The following NIPA1 variants were observed in gnomAD, a reference collection of about 807,000 sequenced individuals.
NIPA1 encodes the protein magnesium transporter NIPA1.
In NIPA1, 13 loss-of-function variants were observed where a neutral mutation model predicts 23.9. The ratio of observed to expected loss-of-function variants is 0.54; its 90% CI spans 0.35 to 0.87. The LOEUF (loss-of-function observed/expected upper bound fraction) is 0.87, where lower values mean the gene tolerates loss of function less well. NIPA1 is among the 40% of genes least tolerant of loss of function. NIPA1 has a pLI of 0.01. For missense variants in NIPA1, 362 were observed against 429.7 expected, an observed-to-expected ratio of 0.84 and a Z score of 1.39; for synonymous variants, 234 against 202.9, an observed-to-expected ratio of 1.15 and a Z score of -1.30.
rs1370367415 is a variant in NIPA1 at position 22,786,755 on chromosome 15, C to T, written c.99C>T (p.Gly33=). ...PSPAAVSLGL[G]VAVVSSLVNG... ...CCGCCGCCGTGTCGCTCGGCCTGGG[C>T]GTGGCCGTCGTGTCGAGCCTGGTGA... Residue 33 remains glycine (G), a synonymous_variant, in exon 1 of 5, where the codon GGC becomes GGT. Coordinates refer to ENST00000337435, the MANE Select transcript of NIPA1 (RefSeq NM_144599.5). 3 of 1,309,850 alleles carry T rather than the reference C, an allele frequency of 2.3e-6. No individual in the cohort carries two copies. Among genetic ancestry groups the T allele is most frequent in the Non-Finnish European group, 2.0e-6 (2 of 1,008,870 alleles). 81.1% of individuals were successfully genotyped at this position (1,309,850 alleles called of 1,614,324 possible).
At chr15:22,818,464 T>TA (rs1257215602) in intron 3 of NIPA1, among the ~76,000 whole-genome samples, 1 of 151,466 alleles carries the variant, frequency 6.6e-6, no homozygotes, top group Admixed American at 6.6e-5. Flanking sequence ...CAGAAACTCT[T>TA]ACAGTGCATC....
At chr15:22,819,867 C>T (rs1400561932) in intron 3 of NIPA1, among the ~76,000 whole-genome samples, 1 of 152,120 alleles carries the variant, frequency 6.6e-6, no homozygotes, top group Non-Finnish European at 1.5e-5. Context: ...TTATGTGTAT[C>T]ATTAACTACG....
At chr15:22,809,332 A>G (rs1196763939) in intron 1 of NIPA1, among the ~76,000 whole-genome samples, 1 of 152,146 alleles carries the variant, frequency 6.6e-6, no homozygotes, top group East Asian at 1.9e-4. Context: ...GGTTGTAGTC[A>G]GCTGAGATCG....
intron 3 of NIPA1, among the ~76,000 whole-genome samples, chr15:22,813,219 C>T (rs1221402168): frequency 6.6e-6 from 1 of 152,086 alleles, no homozygotes; most frequent in Non-Finnish European, 1.5e-5. Flanking sequence ...TGCCAAGGGA[C>T]TGAGGACTCT....
intron 4 of NIPA1, among the ~76,000 whole-genome samples, chr15:22,820,810 C>T (rs940700347): frequency 2.0e-5 from 3 of 152,098 alleles, no homozygotes; most frequent in Non-Finnish European, 4.4e-5. Flanking sequence ...GACTGCCACC[C>T]GCCCCTCCCC....
chr15:22,814,434 A>C (rs1345353101), intron 3 of NIPA1, among the ~76,000 whole-genome samples: 1 of 151,864 alleles, frequency 6.6e-6, no homozygotes, highest in Non-Finnish European at 1.5e-5. Flanking sequence ...TGATCTCCTG[A>C]CCTCGTGATC....
chr15:22,794,428 G>T (rs1391504379), intron 1 of NIPA1, among the ~76,000 whole-genome samples: 1 of 152,106 alleles, frequency 6.6e-6, no homozygotes, highest in Non-Finnish European at 1.5e-5. Context: ...GGATGGTGGT[G>T]ATGGCTGCAC....
chr15:22,793,847 C>T (rs1894886032), intron 1 of NIPA1, among the ~76,000 whole-genome samples: 2 of 152,124 alleles, frequency 1.3e-5, no homozygotes, highest in Admixed American at 6.6e-5. Context: ...AGTGTATGTT[C>T]TTGCTGGCTT....
intron 3 of NIPA1, among the ~76,000 whole-genome samples, chr15:22,812,582 G>A (rs1362675377): frequency 6.6e-6 from 1 of 151,832 alleles, no homozygotes; most frequent in Non-Finnish European, 1.5e-5. Flanking sequence ...GAACCTGGGG[G>A]GCAGAGGTTG....
intron 1 of NIPA1, among the ~76,000 whole-genome samples, chr15:22,796,415 C>A (rs549431062): frequency 3.1e-4 from 47 of 152,026 alleles, no homozygotes; most frequent in African/African-American, 9.4e-4. Flanking sequence ...ATTTTGCCCT[C>A]AAAAATATTT....
chr15:22,824,498 C>A lies in NIPA1; in HGVS notation c.*259C>A. On this transcript the variant is annotated 3_prime_UTR_variant, in exon 5 of 5. Coordinates refer to ENST00000337435, the MANE Select transcript of NIPA1 (RefSeq NM_144599.5). The surrounding 1 kb of genome is among the most constrained non-coding windows in gnomAD (Gnocchi z 4.1). Reference sequence around the variant, plus strand: ...CGAATCTCATTTTCATTTCCATTAACCTGGAAGCTTTCATGAATATTCTCT... The same window carrying A: ...CGAATCTCATTTTCATTTCCATTAAACTGGAAGCTTTCATGAATATTCTCT... The A allele has an allele frequency of 2.1e-6, 1 of 483,200 alleles. No homozygotes were observed. Among genetic ancestry groups the A allele is most frequent in the Non-Finnish European group, 3.7e-6 (1 of 268,218 alleles). The allele number at this position is 483,200 out of a possible 1,614,324, so 29.9% of individuals were successfully genotyped here.
chr15:22,796,275 A>G (rs112534974), intron 1 of NIPA1, among the ~76,000 whole-genome samples: 2 of 151,882 alleles, frequency 1.3e-5, no homozygotes, highest in Non-Finnish European at 2.9e-5. Context: ...AAAAGGCTGT[A>G]CTCTGATGCT....
In NIPA1 at chr15:22,798,734, T is replaced by G. The variant is rs1393402064; in HGVS notation, c.178+11900T>G. 1.3e-4 allele frequency among the ~76,000 whole-genome samples: 18 copies of G among 141,870 alleles called. No homozygotes were observed. In the Admixed American group the frequency reaches 1.3e-3, roughly 11 times the overall value. 93.1% of individuals were successfully genotyped at this position (141,870 alleles called of 152,430 possible). ...GCCTGTAGTCCCAGCTACTCGGGAG[T>G]CTGAGGCAGGAGAATGGCGTGAACC... On this transcript the variant is annotated intron_variant, in intron 1 of 4. Transcript: ENST00000337435.
At chr15:22,810,708 T>A in intron 1 of NIPA1, 41 bp from the exon 2 acceptor site, 3 of 1,314,212 alleles carry the variant, frequency 2.3e-6, no homozygotes, top group South Asian at 1.2e-5. Context: ...ACGTAGCTGG[T>A]AAACCCACTT....
At chr15:22,801,752 T>C (rs1011661917) in intron 1 of NIPA1, among the ~76,000 whole-genome samples, 2 of 152,054 alleles carry the variant, frequency 1.3e-5, no homozygotes, top group African/African-American at 4.8e-5. Flanking sequence ...CCTGACCTTG[T>C]GATCCATATG....
At chr15:22,807,586 CAAAAAG>C (rs1895235355) in intron 1 of NIPA1, among the ~76,000 whole-genome samples, 1 of 147,850 alleles carries the variant, frequency 6.8e-6, no homozygotes. Context: ...GACCCTGTCT[CAAAAAG>C]AAAAAAAAAA....
chr15:22,821,884 C>G (rs1895547415), intron 4 of NIPA1, among the ~76,000 whole-genome samples: 1 of 152,232 alleles, frequency 6.6e-6, no homozygotes, highest in Non-Finnish European at 1.5e-5. Flanking sequence ...TTCAAACCAT[C>G]AATTTAATGC....
chr15:22,796,730 A>G (rs1894945372), intron 1 of NIPA1, among the ~76,000 whole-genome samples: 1 of 152,170 alleles, frequency 6.6e-6, no homozygotes, highest in Non-Finnish European at 1.5e-5. Flanking sequence ...TGCAGCCAGG[A>G]GCCTGTGAAT....
At chr15:22,821,186 T>C (rs1895532037) in intron 4 of NIPA1, among the ~76,000 whole-genome samples, 1 of 152,098 alleles carries the variant, frequency 6.6e-6, no homozygotes, top group Non-Finnish European at 1.5e-5. Context: ...AGGATGGTCT[T>C]GATCTCCTGA....
Sources: gnomAD v4.1 joint callset for allele counts (sites outside exome capture counted in the v4.1 genomes callset) on GRCh38, gnomAD v4.1.1 for gene constraint, Gnocchi (gnomAD v3.1) non-coding constraint, MANE v1.5 for transcripts, NCBI Gene and HGNC (gene_info 2026-07-23, HGNC 2026-07-21) for gene names.